Variants in CTNNBL1 observed in about 807,000 individuals in gnomAD.
The protein encoded by CTNNBL1 is catenin beta like 1.
Under a neutral mutation model 72.7 loss-of-function variants are expected in CTNNBL1, and 31 were observed. The ratio of observed to expected loss-of-function variants is 0.43; its 90% CI spans 0.32 to 0.58. CTNNBL1 has a LOEUF of 0.58. CTNNBL1 is among the 20% of genes least tolerant of loss of function. The probability of loss-of-function intolerance (pLI) is 0.08; values close to 1 mark genes in which losing one functional copy is unlikely to be tolerated. For missense variants in CTNNBL1, 534 were observed against 725.1 expected (o/e 0.74, Z 3.03); for synonymous variants, 240 against 267.3 (o/e 0.90, Z 1.00).
chr20:37,792,653 C>T (rs1394030231), intron 10 of CTNNBL1, among the ~76,000 whole-genome samples: 2 of 128,060 alleles, frequency 1.6e-5, no homozygotes, highest in African/African-American at 5.8e-5. Context: ...CAGTATAATG[C>T]AAATATTGCA....
chr20:37,794,832 G>C (rs904513080), intron 10 of CTNNBL1, among the ~76,000 whole-genome samples: 4 of 151,992 alleles, frequency 2.6e-5, no homozygotes, highest in Non-Finnish European at 5.9e-5. Flanking sequence ...TTTTCACCAG[G>C]TATAGCTTTC....
At chr20:37,730,657 A>G (rs2073120538) in intron 1 of CTNNBL1, among the ~76,000 whole-genome samples, 1 of 152,236 alleles carries the variant, frequency 6.6e-6, no homozygotes, top group African/African-American at 2.4e-5. Flanking sequence ...AACAACAGTA[A>G]GACCTTCTTC....
At chr20:37,760,571 A>G (rs996781426) in intron 5 of CTNNBL1, among the ~76,000 whole-genome samples, 4 of 152,256 alleles carry the variant, frequency 2.6e-5, no homozygotes, top group Admixed American at 6.5e-5. Context: ...TGGTCAGAGC[A>G]GTGACTTTGT....
At chr20:37,749,623 A>G (rs2073299971) in intron 4 of CTNNBL1, among the ~76,000 whole-genome samples, 1 of 152,180 alleles carries the variant, frequency 6.6e-6, no homozygotes, top group Non-Finnish European at 1.5e-5. Context: ...ATTATGTCTT[A>G]CATCAAATTT....
At position 37,724,377 on chromosome 20, in the gene CTNNBL1, T is replaced by A. The variant is rs6095912; in HGVS notation, c.31-8502T>A. Among the ~76,000 whole-genome samples the A allele has an allele frequency of 8.6e-3, 1,313 of 152,224 alleles. 18 individuals carry two copies. The highest frequency in any genetic ancestry group is 0.03 in the African/African-American group (1,238 of 41,530). ...GTCTTGAAAAATGTAATTTTTTTTT[T>A]AAATGTGAGCGAGACTAGAAATGTT... On this transcript the variant is annotated intron_variant, in intron 1 of 15. Coordinates refer to ENST00000361383, the MANE Select transcript of CTNNBL1 (RefSeq NM_030877.5).
intron 15 of CTNNBL1, among the ~76,000 whole-genome samples, chr20:37,861,823 A>G (rs998732287): frequency 1.3e-5 from 2 of 152,184 alleles, no homozygotes; most frequent in African/African-American, 4.8e-5. Context: ...CGTTAGTGTG[A>G]GTGTTACAAA....
intron 1 of CTNNBL1, among the ~76,000 whole-genome samples, chr20:37,702,940 A>G (rs554462878): frequency 5.3e-4 from 80 of 152,294 alleles, no homozygotes; most frequent in Non-Finnish European, 8.1e-4. Flanking sequence ...TTGTTCTACT[A>G]TCTTGTTAGC....
chr20:37,702,018 C>G (rs116431523), intron 1 of CTNNBL1, among the ~76,000 whole-genome samples: 3,163 of 152,266 alleles, frequency 0.021, 112 homozygotes, highest in African/African-American at 0.07. Context: ...TAACAGTATA[C>G]TGTTTGTGTG....
chr20:37,769,338 T>G (rs1162666004), intron 7 of CTNNBL1, among the ~76,000 whole-genome samples: 1 of 152,222 alleles, frequency 6.6e-6, no homozygotes, highest in Non-Finnish European at 1.5e-5. Flanking sequence ...TCCCACTGAT[T>G]TATCATATCC....
chr20:37,695,111 G>A (rs916498287), intron 1 of CTNNBL1: 2 of 152,136 alleles, frequency 1.3e-5, no homozygotes, highest in African/African-American at 4.8e-5. Context: ...TGATCGTACT[G>A]ATTATATCAA....
chr20:37,735,664 A>G (rs1162458675), intron 2 of CTNNBL1, among the ~76,000 whole-genome samples: 3 of 152,214 alleles, frequency 2.0e-5, no homozygotes, highest in African/African-American at 7.2e-5. Context: ...CTTGGGATCT[A>G]GGAGTCATTG....
At chr20:37,754,282 C>CTTTTTT (rs369597087) in intron 4 of CTNNBL1, among the ~76,000 whole-genome samples, 2 of 111,834 alleles carry the variant, frequency 1.8e-5, no homozygotes, top group African/African-American at 3.4e-5. Flanking sequence ...TATTTATTTG[C>CTTTTTT]TTTTTTTTTT....
intron 1 of CTNNBL1, among the ~76,000 whole-genome samples, chr20:37,703,504 CTCT>C (rs2072860818): frequency 6.6e-6 from 1 of 152,230 alleles, no homozygotes; most frequent in Admixed American, 6.5e-5. Context: ...CTCTGTAACT[CTCT>C]TCTTCATCAT....
chr20:37,758,093 A>G (rs1220427536), intron 5 of CTNNBL1, among the ~76,000 whole-genome samples: 1 of 152,184 alleles, frequency 6.6e-6, no homozygotes, highest in Non-Finnish European at 1.5e-5. Context: ...TTTTACAAAG[A>G]GCTTTCACAA....
chr20:37,870,417 GC>G (rs2072574196), intron 15 of CTNNBL1, among the ~76,000 whole-genome samples: 1 of 151,902 alleles, frequency 6.6e-6, no homozygotes, highest in Admixed American at 6.6e-5. Flanking sequence ...CAGCACCTGT[GC>G]CCCCAGTCCT....
At chr20:37,719,444 C>T (rs528748112) in intron 1 of CTNNBL1, among the ~76,000 whole-genome samples, 3 of 152,198 alleles carry the variant, frequency 2.0e-5, no homozygotes, top group Non-Finnish European at 2.9e-5. Context: ...CAATAATCCT[C>T]CATTGACTTG....
chr20:37,742,147 T>G (rs913362128), intron 3 of CTNNBL1, among the ~76,000 whole-genome samples: 2 of 152,250 alleles, frequency 1.3e-5, no homozygotes, highest in African/African-American at 4.8e-5. Context: ...TCTAGACTCC[T>G]TAGAATCTTG....
chr20:37,727,395 A>T (rs1213007265), intron 1 of CTNNBL1: 3 of 973,622 alleles, frequency 3.1e-6, no homozygotes, highest in Non-Finnish European at 3.7e-6. Flanking sequence ...GCCTACTCTG[A>T]GCTTTGAGTG....
chr20:37,718,711 C>T (rs2073015610), intron 1 of CTNNBL1, among the ~76,000 whole-genome samples: 4 of 152,242 alleles, frequency 2.6e-5, no homozygotes, highest in Non-Finnish European at 5.9e-5. Context: ...CTAGACTCTT[C>T]TGGATAGCAA....
Sources: gnomAD v4.1 joint callset for allele counts (sites outside exome capture counted in the v4.1 genomes callset) on GRCh38, gnomAD v4.1.1 for gene constraint, MANE v1.5 for transcripts, NCBI Gene and HGNC (gene_info 2026-07-23, HGNC 2026-07-21) for gene names.